The following ALX4 variants were observed in gnomAD, a reference collection of about 807,000 sequenced individuals.
ALX4 encodes ALX homeobox 4, also known as homeobox protein aristaless-like 4.
A neutral mutation model predicts 40.6 loss-of-function variants in ALX4; 22 were observed. That is an observed-to-expected ratio of 0.54 (90% CI 0.39 to 0.77). The LOEUF (loss-of-function observed/expected upper bound fraction) is 0.77. Among genes scored for constraint, ALX4 ranks in the 30% least tolerant of loss-of-function variants. The pLI is 0.00. For synonymous variants in ALX4, 266 were observed against 240.5 expected, an observed-to-expected ratio of 1.11 and a Z score of -0.98; for missense variants, 556 against 564.8, an observed-to-expected ratio of 0.98 and a Z score of 0.16.
chr11:44,276,927 G>A (rs139057941), intron 1 of ALX4, among the ~76,000 whole-genome samples: 23 of 152,240 alleles, frequency 1.5e-4, no homozygotes, highest in African/African-American at 4.8e-4. Context: ...TGTGCGGCCC[G>A]GTTACTAACA....
Position 44,309,837 on chromosome 11 carries a change from G to C in ALX4, c.226C>G (p.Pro76Ala). ...CGCGCCCCAGCTCCACTCTCCAGGG[G>C]TGTCGCCAGGTCCTGCTGCCCAGCG... The part of the protein sequence containing the change: ...YGAGQQDLAT[P>A]LESGAGARGS... Residue 76 changes from proline to alanine, a missense_variant, in exon 1 of 4, where the codon CCC becomes GCC. Transcript: ENST00000652299. The C allele has an allele frequency of 6.4e-7, 1 of 1,555,638 alleles. No homozygotes were observed. Among genetic ancestry groups the C allele is most frequent in the Non-Finnish European group, 8.7e-7 (1 of 1,149,266 alleles).
chr11:44,293,293 A>C (rs964628769), intron 1 of ALX4, among the ~76,000 whole-genome samples: 1 of 151,670 alleles, frequency 6.6e-6, no homozygotes, highest in Non-Finnish European at 1.5e-5. Flanking sequence ...AAAATGCATG[A>C]TGTGGCCAGG....
intron 1 of ALX4, among the ~76,000 whole-genome samples, chr11:44,300,719 CA>C (rs1209705626): frequency 2.0e-5 from 3 of 152,154 alleles, no homozygotes; most frequent in African/African-American, 7.2e-5. Flanking sequence ...AATGGAGTGG[CA>C]CTAGAGAAGT....
intron 1 of ALX4, among the ~76,000 whole-genome samples, chr11:44,289,990 C>T (rs1956360340): frequency 6.6e-6 from 1 of 152,208 alleles, no homozygotes; most frequent in Admixed American, 6.5e-5. Context: ...CCAGACCCTC[C>T]CTTCACAGCC....
Position 44,275,557 on chromosome 11 carries a change from G to C in ALX4, c.568C>G (p.Pro190Ala). 1 of 1,614,148 alleles carries C rather than the reference G, an allele frequency of 6.2e-7. No individual in the cohort carries two copies. The highest frequency in any genetic ancestry group is 8.5e-7 in the Non-Finnish European group (1 of 1,180,008). The change falls in exon 2 of 4, where the codon CCC becomes GCC. Residue 190 changes from proline (P) to alanine (A), a missense_variant. Physicochemically the swap from Pro to Ala is conservative, Grantham distance 27. Coordinates refer to ENST00000652299, the MANE Select transcript of ALX4 (RefSeq NM_021926.4). ...LSVKEAGVKG[P>A]QDRASSDLPS... is the part of the protein sequence containing the mutation. ...AGGTCTGAGCTGGCCCGGTCCTGGG[G>C]CCCCTTCACCCCAGCCTCCTTGACA...
chr11:44,299,791 C>A (rs1956425024), intron 1 of ALX4, among the ~76,000 whole-genome samples: 1 of 152,204 alleles, frequency 6.6e-6, no homozygotes, highest in Non-Finnish European at 1.5e-5. Flanking sequence ...CCTCGGCCAG[C>A]AAGACTCGAC....
chr11:44,266,424 T>G (rs533531506), intron 3 of ALX4, among the ~76,000 whole-genome samples: 1 of 152,236 alleles, frequency 6.6e-6, no homozygotes, highest in African/African-American at 2.4e-5. Context: ...GGTGCCTGTG[T>G]GAGACACCCC....
chr11:44,278,841 G>A (rs948150401), intron 1 of ALX4, among the ~76,000 whole-genome samples: 1 of 152,160 alleles, frequency 6.6e-6, no homozygotes, highest in Non-Finnish European at 1.5e-5. Context: ...GGGGAGGAGA[G>A]GGGGAGGGTG....
Position 44,309,908 on chromosome 11 carries a change from G to C in ALX4, c.155C>G (p.Ala52Gly). Reference sequence around the variant, plus strand: ...GGCGTCCCCGAATCCCTGTGCTTTGGCGGCGGCCGACAGGAAAGTTGTGCC... The same window carrying C: ...GGCGTCCCCGAATCCCTGTGCTTTGCCGGCGGCCGACAGGAAAGTTGTGCC... ...KFGTTFLSAA[A>G]KAQGFGDAKS... Residue 52 changes from alanine (A) to glycine (G), a missense_variant, in exon 1 of 4, where the codon GCC becomes GGC. Transcript: ENST00000652299. 2 of 1,588,256 alleles carry C rather than the reference G, an allele frequency of 1.3e-6. No homozygotes were observed. Among genetic ancestry groups the C allele is most frequent in the Non-Finnish European group, 1.7e-6 (2 of 1,166,928 alleles).
chr11:44,290,918 G>T (rs1039833791), intron 1 of ALX4, among the ~76,000 whole-genome samples: 3 of 152,182 alleles, frequency 2.0e-5, no homozygotes, highest in Non-Finnish European at 2.9e-5. Flanking sequence ...ACGTTGCCAT[G>T]ATATATTAAC....
At chr11:44,280,133 C>G (rs1005983070) in intron 1 of ALX4, among the ~76,000 whole-genome samples, 1 of 152,160 alleles carries the variant, frequency 6.6e-6, no homozygotes. Flanking sequence ...TGCCACCATT[C>G]AAGGCTGACA....
chr11:44,298,063 A>T (rs78910916), intron 1 of ALX4, among the ~76,000 whole-genome samples: 7,150 of 152,230 alleles, frequency 0.047, 230 homozygotes, highest in Non-Finnish European at 0.071. Context: ...TCACTGCCAA[A>T]CACTCTGGTC....
At chr11:44,272,872 G>A (rs561812444) in intron 2 of ALX4, among the ~76,000 whole-genome samples, 2 of 152,198 alleles carry the variant, frequency 1.3e-5, no homozygotes, top group South Asian at 2.1e-4. Context: ...CAACTCAACC[G>A]TGCAGCTCTT....
intron 1 of ALX4, among the ~76,000 whole-genome samples, chr11:44,300,994 C>T (rs1451922183): frequency 6.6e-6 from 1 of 152,262 alleles, no homozygotes; most frequent in Non-Finnish European, 1.5e-5. Flanking sequence ...TCAGGGCTTT[C>T]CCCATCTCAG....
chr11:44,289,535 G>A (rs1376801473), intron 1 of ALX4, among the ~76,000 whole-genome samples: 1 of 152,210 alleles, frequency 6.6e-6, no homozygotes, highest in Non-Finnish European at 1.5e-5. Context: ...AGACTGGATG[G>A]TCCCATGCCA....
rs756084826 is a variant in ALX4, at chr11:44,265,148, A to G, written c.942T>C (p.Ala314=). The part of the protein sequence containing the change: ...QNPSWLGNNG[A]ASPVPACVVP... ...CCACGCAGGCTGGCACTGGTGAGGC[A>G]GCCCCGTTGTTGCCGAGCCAGGACG... Residue 314 remains alanine, a synonymous_variant, in exon 4 of 4, where the codon GCT becomes GCC. Transcript: ENST00000652299. 1 of 1,606,672 alleles carries G rather than the reference A, an allele frequency of 6.2e-7. No homozygotes were observed. The highest frequency in any genetic ancestry group is 1.1e-5 in the South Asian group (1 of 90,742).
At chr11:44,275,855 T>C (rs1457473228) in intron 1 of ALX4, among the ~76,000 whole-genome samples, 197 bp from the exon 2 acceptor site, 1 of 152,094 alleles carries the variant, frequency 6.6e-6, no homozygotes, top group African/African-American at 2.4e-5. Context: ...GGCAAATCTC[T>C]TCCCCAATCT....
intron 1 of ALX4, among the ~76,000 whole-genome samples, chr11:44,281,347 G>C (rs981554589): frequency 7.9e-5 from 12 of 152,086 alleles, no homozygotes; most frequent in African/African-American, 2.9e-4. Context: ...GTGTCCCCGT[G>C]GGCAGTTGTG....
At chr11:44,306,298 G>T (rs1565011902) in intron 1 of ALX4, among the ~76,000 whole-genome samples, 1 of 152,250 alleles carries the variant, frequency 6.6e-6, no homozygotes, top group Non-Finnish European at 1.5e-5. Context: ...GCCCGGGAGG[G>T]TTTCTCTCAC....
Sources: allele counts gnomAD v4.1 joint callset (sites outside exome capture counted in the v4.1 genomes callset), GRCh38; gene constraint gnomAD v4.1.1; transcripts MANE v1.5; gene names NCBI Gene and HGNC (gene_info 2026-07-23, HGNC 2026-07-21).